The following MAP4 variants were observed in gnomAD, a reference collection of about 807,000 sequenced individuals.
MAP4 encodes microtubule associated protein 4.
MAP4 carries 76 observed loss-of-function variants against 170.2 expected under a neutral mutation model. The ratio of observed to expected loss-of-function variants is 0.45; its 90% confidence interval spans 0.37 to 0.54. The LOEUF (loss-of-function observed/expected upper bound fraction) is 0.54, where lower values mean the gene tolerates loss of function less well. MAP4 is among the 20% of genes least tolerant of loss of function. The pLI is 0.00. For synonymous variants in MAP4, 909 were observed against 994.5 expected, an observed-to-expected ratio of 0.91 and a Z score of 1.62; for missense variants, 2,506 against 2,748.0, an observed-to-expected ratio of 0.91 and a Z score of 1.97.
intron 4 of MAP4, among the ~76,000 whole-genome samples, chr3:47,926,985 T>C (rs1023378608): frequency 1.3e-5 from 2 of 151,954 alleles, no homozygotes; most frequent in African/African-American, 4.8e-5. Context: ...GCCAACATGG[T>C]GAAACCTGGT....
At chr3:48,081,697 G>T (rs2100146764) in intron 1 of MAP4, among the ~76,000 whole-genome samples, 1 of 152,056 alleles carries the variant, frequency 6.6e-6, no homozygotes, top group Non-Finnish European at 1.5e-5. Flanking sequence ...GACAGATACG[G>T]AAGTAAACGA....
At chr3:47,888,633 G>T (rs868719013) in intron 10 of MAP4, among the ~76,000 whole-genome samples, 5 of 152,198 alleles carry the variant, frequency 3.3e-5, no homozygotes, top group South Asian at 2.1e-4. Context: ...CACTCACCGC[G>T]AGGGTCCGTG....
Position 47,915,051 on chromosome 3 carries a change from G to A in MAP4, c.1877-112C>T, listed in dbSNP as rs914750018. 6.2e-6 allele frequency: 8 copies of A among 1,285,766 alleles called. No individual in the cohort carries two copies. In the African/African-American group the frequency reaches 1.0e-4, roughly 17 times the overall value. 79.6% of individuals were successfully genotyped at this position (1,285,766 alleles called of 1,614,324 possible). On this transcript the variant is annotated intron_variant, in intron 7 of 20. Coordinates refer to ENST00000683076, the MANE Select transcript of MAP4 (RefSeq NM_001385682.1). ...GTTTCTGAGGAGTTCTCCTACAAGG[G>A]GCAGCAAAGGAGTGAAGTGGTAGTT...
intron 17 of MAP4, among the ~76,000 whole-genome samples, chr3:47,864,031 G>A (rs1341399137): frequency 1.3e-5 from 2 of 151,014 alleles, no homozygotes; most frequent in African/African-American, 4.9e-5. Context: ...AGGCTGAAGT[G>A]TGGTGGTGCC....
chr3:48,063,405 A>T (rs1370711007), intron 1 of MAP4, among the ~76,000 whole-genome samples: 4 of 114,762 alleles, frequency 3.5e-5, no homozygotes, highest in African/African-American at 1.0e-4. Flanking sequence ...CCTGTGTCTT[A>T]AAAAAAAAAA....
intron 1 of MAP4, among the ~76,000 whole-genome samples, chr3:48,070,885 T>C (rs2100140658): frequency 6.8e-6 from 1 of 148,040 alleles, no homozygotes; most frequent in South Asian, 2.2e-4. Context: ...TCCAGGTCCA[T>C]ATGGTGGTGA....
chr3:47,931,596 G>A (rs75508493), intron 3 of MAP4, among the ~76,000 whole-genome samples: 2,530 of 151,620 alleles, frequency 0.017, 61 homozygotes, highest in African/African-American at 0.049. Context: ...CTCTCACCTC[G>A]GCCTCCCAAG....
At chr3:47,965,603 A>G (rs933020705) in intron 3 of MAP4, among the ~76,000 whole-genome samples, 1 of 152,216 alleles carries the variant, frequency 6.6e-6, no homozygotes. Context: ...CCTAATGAGT[A>G]TGAAGTGATA....
chr3:47,946,568 C>T (rs551567101), intron 3 of MAP4, among the ~76,000 whole-genome samples: 15 of 143,694 alleles, frequency 1.0e-4, no homozygotes, highest in Non-Finnish European at 1.5e-4. Flanking sequence ...ACAGGAGAAT[C>T]GCTTGAACCC....
At chr3:48,063,449 A>G (rs2100136943) in intron 1 of MAP4, among the ~76,000 whole-genome samples, 1 of 152,058 alleles carries the variant, frequency 6.6e-6, no homozygotes, top group Admixed American at 6.6e-5. Flanking sequence ...AGGTTCTTAC[A>G]ATACTAAACA....
intron 1 of MAP4, among the ~76,000 whole-genome samples, chr3:48,000,529 T>G (rs959204075): frequency 6.6e-6 from 1 of 152,120 alleles, no homozygotes; most frequent in Non-Finnish European, 1.5e-5. Context: ...GTTTGGGACA[T>G]GACTAGAGTT....
intron 1 of MAP4, among the ~76,000 whole-genome samples, chr3:48,023,674 T>C (rs568197586): frequency 4.7e-4 from 72 of 152,368 alleles, no homozygotes; most frequent in African/African-American, 1.7e-3. Flanking sequence ...ACAATGACTT[T>C]CCCTCTGAAG....
In MAP4 at chr3:47,855,246, A is replaced by G; in HGVS notation, c.6696+2T>C. ...GTGTCTCCCCAGTGACCCACTCGCT[A>G]CCTTCACAGCACCTCCTGCAGGTAG... On this transcript the variant is annotated splice_donor_variant, in intron 19 of 20. Transcript: ENST00000683076. LOFTEE classifies it high-confidence loss of function. This position sits in a 1 kb window ranked among gnomAD's most constrained non-coding sequence, Gnocchi z 5.1. 6.2e-7 allele frequency: 1 copy of G among 1,611,186 alleles called. No individual in the cohort carries two copies. The highest frequency in any genetic ancestry group is 8.5e-7 in the Non-Finnish European group (1 of 1,177,418).
chr3:47,892,458 T>TGAGA, intron 10 of MAP4: 1 of 1,534,270 alleles, frequency 6.5e-7, no homozygotes, highest in Non-Finnish European at 8.7e-7. Context: ...TACGCGGCAG[T>TGAGA]GAGAGAGGCT....
In MAP4 at chr3:47,862,800, AATAAT is replaced by A. The variant is rs535032759; in HGVS notation, c.6501+4441_6501+4445del. On this transcript the variant is annotated intron_variant, in intron 17 of 20. Coordinates refer to ENST00000683076, the MANE Select transcript of MAP4 (RefSeq NM_001385682.1). Reference sequence around the variant, plus strand: ...CTATATGCTGAAGTATTAACAAATAAATAATATATCTAGGACTGGCTTCAAAATAC... The same window carrying A: ...CTATATGCTGAAGTATTAACAAATAAATATCTAGGACTGGCTTCAAAATAC... Among the ~76,000 whole-genome samples the A allele has an allele frequency of 5.3e-5, 8 of 152,278 alleles. No individual in the cohort carries two copies. In the South Asian group the frequency reaches 1.4e-3, roughly 28 times the overall value.
Position 47,871,034 on chromosome 3 carries a change from G to A in MAP4, c.6073C>T (p.Pro2025Ser). The A allele has an allele frequency of 6.2e-7, 1 of 1,614,012 alleles. No homozygotes were observed. The part of the protein sequence containing the change: ...KKTTTLSGTA[P>S]AAGVVPSRVK... Reference sequence around the variant, plus strand: ...CGGCTGGGAACCACCCCTGCAGCGGGGGCTGTCCCACTGAGAGTGGTGGTT... The same window carrying A: ...CGGCTGGGAACCACCCCTGCAGCGGAGGCTGTCCCACTGAGAGTGGTGGTT... Residue 2025 changes from proline (P) to serine (S), a missense_variant, in exon 15 of 21, where the codon CCC becomes TCC. This residue lies in a region of MAP4 where 487 missense variants were observed against 511.6 expected (regional missense o/e 0.95). Coordinates refer to ENST00000683076, the MANE Select transcript of MAP4 (RefSeq NM_001385682.1).
At chr3:47,950,540 T>A (rs1237190403) in intron 3 of MAP4, among the ~76,000 whole-genome samples, 1 of 151,980 alleles carries the variant, frequency 6.6e-6, no homozygotes, top group Non-Finnish European at 1.5e-5. Context: ...ACAGTTCACC[T>A]CATTGGTTGA....
rs116160659 is a variant in MAP4, at chr3:47,931,593, C to T, written c.293-3243G>A. Among the ~76,000 whole-genome samples, 607 of 152,096 alleles carry T rather than the reference C, an allele frequency of 4.0e-3. 6 individuals carry two copies. The highest frequency in any genetic ancestry group is 0.014 in the African/African-American group (588 of 41,492). ...TCCCAAGCTCAAGCAATCCTCTCAC[C>T]TCGGCCTCCCAAGTAGCTACAAATA... On this transcript the variant is annotated intron_variant, in intron 3 of 20. Coordinates refer to ENST00000683076, the MANE Select transcript of MAP4 (RefSeq NM_001385682.1).
intron 1 of MAP4, among the ~76,000 whole-genome samples, chr3:48,002,826 G>A (rs536238308): frequency 4.6e-5 from 7 of 151,644 alleles, no homozygotes; most frequent in East Asian, 1.9e-4. Context: ...GCAGTGAGCC[G>A]AGATTGCACC....
Sources: gnomAD v4.1 joint callset for allele counts (sites outside exome capture counted in the v4.1 genomes callset) on GRCh38, gnomAD v4.1.1 for gene constraint, gnomAD v4.1.1 regional missense constraint, Gnocchi (gnomAD v3.1) non-coding constraint, MANE v1.5 for transcripts, NCBI Gene and HGNC (gene_info 2026-07-23, HGNC 2026-07-21) for gene names.